The following NIPAL2 variants were observed in gnomAD, a reference collection of about 807,000 sequenced individuals.
The protein encoded by NIPAL2 is NIPA like domain containing 2.
In NIPAL2, 43 loss-of-function variants were observed where a neutral mutation model predicts 48.9. The ratio of observed to expected loss-of-function variants is 0.88; its 90% CI spans 0.69 to 1.13. The LOEUF (loss-of-function observed/expected upper bound fraction) is 1.13, where lower values mean the gene tolerates loss of function less well. Among genes scored for constraint, NIPAL2 ranks in the 50% most tolerant of loss-of-function variants. The pLI, the probability that NIPAL2 is intolerant of heterozygous loss-of-function variation, is 0.00. For synonymous variants in NIPAL2, 167 were observed against 174.6 expected (o/e 0.96, Z 0.34); for missense variants, 446 against 461.4 (o/e 0.97, Z 0.31).
chr8:98,193,727 C>T (rs1233053381), intron 10 of NIPAL2, among the ~76,000 whole-genome samples: 2 of 150,098 alleles, frequency 1.3e-5, no homozygotes, highest in South Asian at 4.2e-4. Context: ...CACTTGAACC[C>T]GGGAGGGGGA....
intron 4 of NIPAL2, among the ~76,000 whole-genome samples, chr8:98,235,844 A>G (rs1812681746): frequency 6.6e-6 from 1 of 151,476 alleles, no homozygotes; most frequent in Non-Finnish European, 1.5e-5. Context: ...AGTGCATTAT[A>G]ATAATATAAT....
intron 3 of NIPAL2, among the ~76,000 whole-genome samples, chr8:98,237,178 G>A (rs921110567): frequency 9.2e-5 from 14 of 151,902 alleles, no homozygotes; most frequent in African/African-American, 3.4e-4. Flanking sequence ...CTCTCGAGTA[G>A]CTGGGACCAC....
intron 3 of NIPAL2, among the ~76,000 whole-genome samples, chr8:98,238,198 A>G (rs1431401797): frequency 7.2e-5 from 11 of 152,232 alleles, no homozygotes; most frequent in Non-Finnish European, 8.8e-5. Context: ...CAAAATTGCA[A>G]TAATACAAAA....
At chr8:98,244,407 G>A (rs1178792510) in intron 3 of NIPAL2, among the ~76,000 whole-genome samples, 1 of 108,986 alleles carries the variant, frequency 9.2e-6, no homozygotes, top group African/African-American at 3.6e-5. Flanking sequence ...GTGATGAGGG[G>A]TAGTCTGCAA....
At chr8:98,202,977 G>A (rs1465108563) in intron 8 of NIPAL2, 131 bp downstream of exon 8, 1 of 689,464 alleles carries the variant, frequency 1.5e-6, no homozygotes, top group Non-Finnish European at 2.5e-6. Context: ...GATTGTCATA[G>A]GGGAAATTCA....
At chr8:98,204,477 A>T (rs964491064) in intron 7 of NIPAL2, among the ~76,000 whole-genome samples, 2 of 152,176 alleles carry the variant, frequency 1.3e-5, no homozygotes, top group African/African-American at 4.8e-5. Context: ...CAAAGGCACA[A>T]TCCCAATGTG....
chr8:98,203,226 G>A (rs761203294), intron 7 of NIPAL2, 30 bp from the exon 8 acceptor site: 1 of 1,483,806 alleles, frequency 6.7e-7, no homozygotes, highest in South Asian at 1.1e-5. Context: ...CTGGAGCTTT[G>A]GCTTTAGGAG....
intron 5 of NIPAL2, chr8:98,217,418 C>T (rs1000212769): frequency 1.5e-5 from 13 of 860,744 alleles, no homozygotes; most frequent in South Asian, 5.4e-5. Flanking sequence ...TGATCAGTCC[C>T]GAAAGCCAAT....
intron 1 of NIPAL2, among the ~76,000 whole-genome samples, chr8:98,287,218 TG>T (rs1816228268): frequency 6.6e-6 from 1 of 152,182 alleles, no homozygotes; most frequent in Non-Finnish European, 1.5e-5. Context: ...TCAGGGTCTA[TG>T]AAATATGATG....
At chr8:98,293,082 C>T (rs1184049582) in intron 1 of NIPAL2, among the ~76,000 whole-genome samples, 1 of 152,194 alleles carries the variant, frequency 6.6e-6, no homozygotes, top group African/African-American at 2.4e-5. Context: ...TAGAACACTT[C>T]AGGCATAAAA....
At chr8:98,245,778 T>A (rs1196906907) in intron 3 of NIPAL2, among the ~76,000 whole-genome samples, 1 of 152,258 alleles carries the variant, frequency 6.6e-6, no homozygotes, top group East Asian at 1.9e-4. Context: ...ATAAAGTGTT[T>A]AGGCTTCAGG....
At chr8:98,201,470 G>A (rs943795139) in intron 8 of NIPAL2, among the ~76,000 whole-genome samples, 3 of 151,874 alleles carry the variant, frequency 2.0e-5, no homozygotes, top group Non-Finnish European at 4.4e-5. Context: ...CTGTAACCTC[G>A]AACTTCTGGG....
At chr8:98,285,158 C>T (rs1377201070) in intron 1 of NIPAL2, among the ~76,000 whole-genome samples, 1 of 152,264 alleles carries the variant, frequency 6.6e-6, no homozygotes, top group Non-Finnish European at 1.5e-5. Flanking sequence ...GGGAGCCGCT[C>T]ATGTGAGCCA....
In NIPAL2 at chr8:98,203,139, A is replaced by G; in HGVS notation, c.849T>C (p.His283=). ...TGATGGCACTGATTGTAAAGAAAAT[A>G]TGATTAACTGGCACCACTGTTGTCG... ...YNTTTVVPVN[H]IFFTISAIIA... is the part of the protein sequence containing the mutation. The change falls in exon 8 of 11, where the codon CAT becomes CAC. Residue 283 remains histidine (H), a synonymous_variant. Transcript: ENST00000430223. 6.2e-7 allele frequency: 1 copy of G among 1,614,168 alleles called. No individual in the cohort carries two copies. Among genetic ancestry groups the G allele is most frequent in the Non-Finnish European group, 8.5e-7 (1 of 1,179,992 alleles).
chr8:98,195,879 G>T, intron 9 of NIPAL2, 63 bp downstream of exon 9: 7 of 1,193,360 alleles, frequency 5.9e-6, no homozygotes, highest in Admixed American at 2.0e-5. Context: ...CCGGTACAAT[G>T]CCGAAAATCC....
Position 98,212,414 on chromosome 8 carries a change from C to T in NIPAL2, c.646G>A (p.Ala216Thr), listed in dbSNP as rs143042849. ...CAAAATATGCCTTTACCTAGAATTG[C>T]CACCAGGGTTAGCAGAATCACCATA... Reference protein sequence around the residue: ...KHMVILLTLVAILASLTVISV... With the variant: ...KHMVILLTLVTILASLTVISV... The change falls in exon 6 of 11, where the codon GCA (alanine) becomes ACA (threonine). Residue 216 changes from alanine to threonine, a missense_variant. By Grantham distance (58) the Ala-to-Thr change is moderately conservative. Coordinates refer to ENST00000430223, the MANE Select transcript of NIPAL2 (RefSeq NM_001321635.2). 1,763 of 1,577,302 alleles carry T rather than the reference C, an allele frequency of 1.1e-3. 3 individuals carry two copies. The highest frequency in any genetic ancestry group is 1.9e-3 in the South Asian group (169 of 90,088).
chr8:98,293,469 G>A (rs186679877), intron 1 of NIPAL2, among the ~76,000 whole-genome samples: 1 of 152,356 alleles, frequency 6.6e-6, no homozygotes, highest in African/African-American at 2.4e-5. Context: ...AATGCAACCT[G>A]AGAAAATGTG....
chr8:98,279,567 G>A (rs893687261), intron 1 of NIPAL2, among the ~76,000 whole-genome samples: 1 of 152,144 alleles, frequency 6.6e-6, no homozygotes, highest in Non-Finnish European at 1.5e-5. Context: ...AGCCAGAGAA[G>A]GAAAGTGTCT....
chr8:98,253,847 C>G (rs1813729705), intron 2 of NIPAL2, among the ~76,000 whole-genome samples, 172 bp downstream of exon 2: 5 of 152,208 alleles, frequency 3.3e-5, no homozygotes, highest in Admixed American at 3.3e-4. Context: ...AAAATGAATG[C>G]ACTCCAGCCT....
Sources: gnomAD v4.1 joint callset for allele counts (sites outside exome capture counted in the v4.1 genomes callset) on GRCh38, gnomAD v4.1.1 for gene constraint, MANE v1.5 for transcripts, NCBI Gene and HGNC (gene_info 2026-07-23, HGNC 2026-07-21) for gene names.